Variants in MTA3 observed in about 807,000 individuals in gnomAD.
The protein encoded by MTA3 is metastasis associated 1 family member 3, also known as metastasis-associated protein MTA3.
MTA3 carries 34 observed loss-of-function variants against 83.5 expected under a neutral mutation model. That is an observed-to-expected ratio of 0.41 (90% CI 0.31 to 0.54). The LOEUF (loss-of-function observed/expected upper bound fraction) is 0.54. Among genes scored for constraint, MTA3 ranks in the 20% least tolerant of loss-of-function variants. MTA3 has a pLI of 0.33. For missense variants in MTA3, 761 were observed against 726.4 expected (o/e 1.05, Z -0.55); for synonymous variants, 303 against 252.7 (o/e 1.20, Z -1.89).
chr2:42,662,805 C>G (rs1689850812), intron 8 of MTA3, among the ~76,000 whole-genome samples: 2 of 151,022 alleles, frequency 1.3e-5, no homozygotes, highest in Middle Eastern at 6.8e-3. Context: ...GATCTCGGCT[C>G]ACTGCAATCT....
intron 6 of MTA3, among the ~76,000 whole-genome samples, chr2:42,652,904 T>C (rs1485165116): frequency 6.6e-6 from 1 of 152,142 alleles, no homozygotes; most frequent in Non-Finnish European, 1.5e-5. Flanking sequence ...ATATAAAAAG[T>C]ATAGTACTCT....
chr2:42,586,557 AACACACACACACACACACACACACAC>A (rs68029790), intron 3 of MTA3, among the ~76,000 whole-genome samples: 11,373 of 125,948 alleles, frequency 0.09, 979 homozygotes, highest in African/African-American at 0.17. Flanking sequence ...AAGGAAGGAA[AACACACACACACACACACACACACAC>A]ACACACACAC....
At chr2:42,611,957 AT>A (rs1558498956) in intron 4 of MTA3, among the ~76,000 whole-genome samples, 1 of 152,146 alleles carries the variant, frequency 6.6e-6, no homozygotes, top group African/African-American at 2.4e-5. Flanking sequence ...GCTTTCTGCT[AT>A]GGCCTGCTAT....
chr2:42,584,607 A>G (rs1680050772), intron 3 of MTA3, among the ~76,000 whole-genome samples: 2 of 151,996 alleles, frequency 1.3e-5, no homozygotes, highest in Non-Finnish European at 2.9e-5. Context: ...AAAATTACAG[A>G]AACCCAGCAC....
intron 11 of MTA3, among the ~76,000 whole-genome samples, chr2:42,699,315 C>T (rs1302692771): frequency 6.6e-6 from 1 of 152,144 alleles, no homozygotes; most frequent in East Asian, 1.9e-4. Flanking sequence ...GATCCTCCCA[C>T]CTCAGCCCCC....
chr2:42,693,103 T>G (rs1232379394), intron 9 of MTA3, among the ~76,000 whole-genome samples: 1 of 151,256 alleles, frequency 6.6e-6, no homozygotes, highest in African/African-American at 2.4e-5. Flanking sequence ...CCTCTCCCTC[T>G]TCCCCTCCCC....
intron 8 of MTA3, among the ~76,000 whole-genome samples, chr2:42,664,480 TTTTTTTTTTTTTTTG>T (rs1690038186): frequency 7.3e-6 from 1 of 136,742 alleles, no homozygotes; most frequent in Admixed American, 7.4e-5. Flanking sequence ...TTTTTTTTTT[TTTTTTTTTTTTTTTG>T]AGACAGTTTG....
intron 2 of MTA3, among the ~76,000 whole-genome samples, chr2:42,538,436 G>T (rs567529384): frequency 1.3e-5 from 2 of 149,904 alleles, no homozygotes; most frequent in African/African-American, 4.9e-5. Flanking sequence ...GGCCGGGTGC[G>T]GTGGCTCATG....
chr2:42,652,388 G>A (rs527514545), intron 6 of MTA3, among the ~76,000 whole-genome samples: 3 of 152,226 alleles, frequency 2.0e-5, no homozygotes, highest in South Asian at 2.1e-4. Flanking sequence ...ATCCCCCCAC[G>A]TAAAAGACAG....
chr2:42,666,290 AAAAC>A (rs1690227258), intron 8 of MTA3, among the ~76,000 whole-genome samples: 1 of 152,182 alleles, frequency 6.6e-6, no homozygotes, highest in African/African-American at 2.4e-5. Flanking sequence ...AAAACAAAAC[AAAAC>A]AAAGCGTAAC....
intron 5 of MTA3, among the ~76,000 whole-genome samples, chr2:42,643,420 T>A (rs1056324559): frequency 6.6e-6 from 1 of 152,192 alleles, no homozygotes; most frequent in Non-Finnish European, 1.5e-5. Flanking sequence ...CAGGTCATTT[T>A]GTCCATTAGG....
chr2:42,579,371 G>A (rs1367814447), intron 3 of MTA3, among the ~76,000 whole-genome samples, 171 bp downstream of exon 3: 2 of 149,156 alleles, frequency 1.3e-5, no homozygotes, highest in African/African-American at 4.9e-5. Context: ...CTGGTGTTTG[G>A]TTTCAGTGTA....
intron 6 of MTA3, among the ~76,000 whole-genome samples, chr2:42,653,668 TTTA>T (rs1224450624): frequency 1.3e-5 from 2 of 152,216 alleles, no homozygotes; most frequent in East Asian, 3.8e-4. Flanking sequence ...TCAAGAGTGT[TTTA>T]TTATTGTTTA....
At chr2:42,608,121 T>C (rs1319803919) in intron 3 of MTA3, among the ~76,000 whole-genome samples, 1 of 152,262 alleles carries the variant, frequency 6.6e-6, no homozygotes, top group African/African-American at 2.4e-5. Context: ...AGGGATCGTA[T>C]AAGAACGTAA....
intron 2 of MTA3, among the ~76,000 whole-genome samples, chr2:42,508,406 A>G (rs1385101086): frequency 6.6e-6 from 1 of 152,018 alleles, no homozygotes; most frequent in Non-Finnish European, 1.5e-5. Flanking sequence ...ATCTCCACTC[A>G]TTGCAGCCTC....
intron 3 of MTA3, among the ~76,000 whole-genome samples, chr2:42,583,872 G>A (rs1679956569): frequency 6.9e-6 from 1 of 145,056 alleles, no homozygotes; most frequent in Admixed American, 7.0e-5. Flanking sequence ...TTGGAGTTTC[G>A]CTTTTGTTGC....
chr2:42,520,378 CTTGTT>C (rs1430692316), intron 2 of MTA3, among the ~76,000 whole-genome samples: 1 of 152,142 alleles, frequency 6.6e-6, no homozygotes, highest in Non-Finnish European at 1.5e-5. Context: ...TATTTCCTGT[CTTGTT>C]GAACTGTACC....
intron 2 of MTA3, among the ~76,000 whole-genome samples, chr2:42,533,605 G>A (rs1235708595): frequency 6.1e-5 from 9 of 148,226 alleles, no homozygotes; most frequent in African/African-American, 2.2e-4. Flanking sequence ...AGGCCGAGGT[G>A]GGCGGATCAC....
chr2:42,746,058 C>T (rs754687885), intron 16 of MTA3, among the ~76,000 whole-genome samples: 5 of 151,404 alleles, frequency 3.3e-5, no homozygotes, highest in Admixed American at 6.6e-5. Flanking sequence ...GTGATCCACC[C>T]GCCTTGGCCT....
Sources: gnomAD v4.1 joint callset for allele counts (sites outside exome capture counted in the v4.1 genomes callset) on GRCh38, gnomAD v4.1.1 for gene constraint, MANE v1.5 for transcripts, NCBI Gene and HGNC (gene_info 2026-07-23, HGNC 2026-07-21) for gene names.